Variants in OSBPL8 observed in about 807,000 individuals in gnomAD.
OSBPL8 encodes the protein oxysterol binding protein like 8.
A neutral mutation model predicts 125.5 loss-of-function variants in OSBPL8; 59 were observed. The observed-to-expected ratio is 0.47, with a 90% confidence interval of 0.38 to 0.58. The LOEUF is 0.58. Among genes scored for constraint, OSBPL8 ranks in the 20% least tolerant of loss-of-function variants. The probability of loss-of-function intolerance (pLI) is 0.00; values close to 1 mark genes in which losing one functional copy is unlikely to be tolerated. For missense variants in OSBPL8, 758 were observed against 1,047.8 expected (o/e 0.72, Z 3.82); for synonymous variants, 330 against 338.9 (o/e 0.97, Z 0.29).
chr12:76,487,471 T>TA, intron 2 of OSBPL8, 39 bp downstream of exon 2: 1 of 1,544,140 alleles, frequency 6.5e-7, no homozygotes. Flanking sequence ...ACTTCACAGT[T>TA]ACAGATGATA....
chr12:76,459,007 T>G (rs1183193938), intron 3 of OSBPL8, among the ~76,000 whole-genome samples: 1 of 152,216 alleles, frequency 6.6e-6, no homozygotes, highest in African/African-American at 2.4e-5. Context: ...TATGATGCAG[T>G]AAAATTTTAA....
At chr12:76,533,427 C>T (rs537853139) in intron 1 of OSBPL8, among the ~76,000 whole-genome samples, 214 of 152,246 alleles carry the variant, frequency 1.4e-3, no homozygotes, top group Non-Finnish European at 2.6e-3. Flanking sequence ...GAAGGATTTG[C>T]GGTAAACTTC....
chr12:76,487,647 A>G, intron 1 of OSBPL8, 29 bp from the exon 2 acceptor site: 2 of 974,280 alleles, frequency 2.1e-6, no homozygotes, highest in South Asian at 2.0e-5. Context: ...ATTTATTAGG[A>G]CTGGTATAAA....
At chr12:76,423,118 T>C (rs1313403991) in intron 4 of OSBPL8, 1 of 152,684 alleles carries the variant, frequency 6.5e-6, no homozygotes. Context: ...TCCCAGCTTT[T>C]ACTTACTTCA....
chr12:76,532,283 A>C (rs1049176160), intron 1 of OSBPL8, among the ~76,000 whole-genome samples: 3 of 152,060 alleles, frequency 2.0e-5, no homozygotes, highest in Admixed American at 6.5e-5. Context: ...TTAAGAAAAT[A>C]CCATAGTGAA....
At chr12:76,501,574 C>T (rs959629704) in intron 1 of OSBPL8, among the ~76,000 whole-genome samples, 1 of 152,228 alleles carries the variant, frequency 6.6e-6, no homozygotes, top group African/African-American at 2.4e-5. Context: ...TTCTGTGATA[C>T]TAGTCAGCCT....
At chr12:76,422,790 A>G (rs950943355) in intron 4 of OSBPL8, 3 of 302,510 alleles carry the variant, frequency 9.9e-6, no homozygotes, top group African/African-American at 6.4e-5. Context: ...TTAACAGCAA[A>G]GGAGAAGGAC....
chr12:76,448,990 C>A (rs112990546), intron 4 of OSBPL8, among the ~76,000 whole-genome samples: 1 of 151,906 alleles, frequency 6.6e-6, no homozygotes. Context: ...TCTAGCCTGG[C>A]GACAGAGCAA....
chr12:76,357,785 T>C (rs1952039616), intron 22 of OSBPL8, among the ~76,000 whole-genome samples: 1 of 152,208 alleles, frequency 6.6e-6, no homozygotes. Context: ...TATTCACTTC[T>C]AGTGTTATCT....
chr12:76,364,488 C>T (rs927981871), intron 21 of OSBPL8, among the ~76,000 whole-genome samples: 5 of 152,002 alleles, frequency 3.3e-5, no homozygotes, highest in South Asian at 2.1e-4. Flanking sequence ...CATCACACAC[C>T]GGGACCTGTC....
intron 1 of OSBPL8, among the ~76,000 whole-genome samples, chr12:76,540,813 C>A (rs1426284974): frequency 6.6e-6 from 1 of 152,024 alleles, no homozygotes; most frequent in Non-Finnish European, 1.5e-5. Context: ...TTGAGATTAA[C>A]CTTGAAATTA....
chr12:76,392,696 G>A lies in OSBPL8; in HGVS notation c.814C>T (p.Arg272Cys), dbSNP rs775415656. 1.2e-6 allele frequency: 2 copies of A among 1,613,898 alleles called. No individual in the cohort carries two copies. Among genetic ancestry groups the A allele is most frequent in the Non-Finnish European group, 8.5e-7 (1 of 1,179,860 alleles). Residue 272 changes from arginine (R) to cysteine (C), a missense_variant, in exon 10 of 24, where the codon CGT becomes TGT. This residue lies in a region of OSBPL8 where 572 missense variants were observed against 762.0 expected (regional missense o/e 0.75). Transcript: ENST00000261183. ...LALKCSSLLK[R>C]TMIREGKEHD... ...TCCTTTCCTTCTCTGATCATTGTACGTTTAAGAAGACTAGAACATTTCAAA... is the reference window on the plus strand; with the variant it reads ...TCCTTTCCTTCTCTGATCATTGTACATTTAAGAAGACTAGAACATTTCAAA...
intron 4 of OSBPL8, among the ~76,000 whole-genome samples, chr12:76,434,642 T>C (rs538306185): frequency 2.0e-5 from 3 of 151,976 alleles, no homozygotes; most frequent in African/African-American, 7.2e-5. Flanking sequence ...AAAACTCAAC[T>C]CAATAACAAA....
At chr12:76,406,772 C>T (rs1049320084) in intron 5 of OSBPL8, among the ~76,000 whole-genome samples, 1 of 152,036 alleles carries the variant, frequency 6.6e-6, no homozygotes, top group African/African-American at 2.4e-5. Context: ...CATGCCACCA[C>T]GTGTGGCTAA....
At chr12:76,472,957 C>G (rs1039475793) in intron 2 of OSBPL8, among the ~76,000 whole-genome samples, 5 of 152,054 alleles carry the variant, frequency 3.3e-5, no homozygotes, top group Non-Finnish European at 7.4e-5. Flanking sequence ...CTTTCCTGGT[C>G]TGCTAAGTAG....
intron 2 of OSBPL8, among the ~76,000 whole-genome samples, chr12:76,479,990 A>G (rs1426365311): frequency 1.3e-5 from 2 of 151,972 alleles, no homozygotes; most frequent in Non-Finnish European, 2.9e-5. Flanking sequence ...AACACGGAGA[A>G]ACTCTGTCTC....
At chr12:76,526,475 AT>A (rs553591983) in intron 1 of OSBPL8, among the ~76,000 whole-genome samples, 2 of 150,640 alleles carry the variant, frequency 1.3e-5, no homozygotes, top group African/African-American at 2.4e-5. Context: ...CAGTTACTTA[AT>A]TTTTTTTTAC....
chr12:76,442,322 A>T (rs868019555), intron 4 of OSBPL8, among the ~76,000 whole-genome samples: 22 of 152,198 alleles, frequency 1.4e-4, no homozygotes, highest in Non-Finnish European at 2.8e-4. Flanking sequence ...TAAGAGATTT[A>T]AAAAACGATT....
chr12:76,393,912 C>T (rs983859777), intron 9 of OSBPL8, among the ~76,000 whole-genome samples: 13 of 151,578 alleles, frequency 8.6e-5, no homozygotes, highest in Admixed American at 2.0e-4. Context: ...CCCAGCTACC[C>T]GGGAGGCTGA....
Sources: allele counts gnomAD v4.1 joint callset (sites outside exome capture counted in the v4.1 genomes callset), GRCh38; gene constraint gnomAD v4.1.1; regional missense constraint gnomAD v4.1.1; transcripts MANE v1.5; gene names NCBI Gene and HGNC (gene_info 2026-07-23, HGNC 2026-07-21).